The following USP48 variants were observed in gnomAD, a reference collection of about 807,000 sequenced individuals.
USP48 encodes ubiquitin carboxyl-terminal hydrolase 48.
USP48 carries 43 observed loss-of-function variants against 150.7 expected under a neutral mutation model. That is an observed-to-expected ratio of 0.29 (90% CI 0.22 to 0.37). USP48 has a LOEUF of 0.37. Among genes scored for constraint, USP48 ranks in the 10% least tolerant of loss-of-function variants. USP48 has a pLI of 1.00. For synonymous variants in USP48, 396 were observed against 425.9 expected (o/e 0.93, Z 0.86); for missense variants, 813 against 1,249.6 (o/e 0.65, Z 5.27).
At chr1:21,709,444 T>G (rs1273936060) in intron 15 of USP48, among the ~76,000 whole-genome samples, 1 of 152,162 alleles carries the variant, frequency 6.6e-6, no homozygotes, top group Non-Finnish European at 1.5e-5. Flanking sequence ...AAAGGTTAAT[T>G]GGATTATCAA....
At chr1:21,691,420 G>A (rs1206038101) in intron 23 of USP48, among the ~76,000 whole-genome samples, 1 of 151,892 alleles carries the variant, frequency 6.6e-6, no homozygotes, top group Non-Finnish European at 1.5e-5. Context: ...GATCACCTGA[G>A]GTCAGGAGTT....
Position 21,782,953 on chromosome 1 carries a change from G to T in USP48, c.5C>A (p.Ala2Asp). 6.5e-7 allele frequency: 1 copy of T among 1,543,108 alleles called. No homozygotes were observed. Residue 2 changes from alanine to aspartate, a missense_variant, in exon 1 of 27, where the codon GCC becomes GAC. Ala to Asp is a moderately radical substitution (Grantham distance 126). Coordinates refer to ENST00000308271, the MANE Select transcript of USP48 (RefSeq NM_032236.8). Reference protein sequence around the residue: MAPRLQLEKAAW... With the variant: MDPRLQLEKAAW... ...CGCCTTCTCCAGCTGCAGCCGCGGGGCCATGGCCTTGGCCCCAGGAACGCC... is the reference window on the plus strand; with the variant it reads ...CGCCTTCTCCAGCTGCAGCCGCGGGTCCATGGCCTTGGCCCCAGGAACGCC...
At chr1:21,723,289 T>C (rs960867544) in intron 12 of USP48, among the ~76,000 whole-genome samples, 1 of 151,636 alleles carries the variant, frequency 6.6e-6, no homozygotes, top group African/African-American at 2.4e-5. Flanking sequence ...GAGGGCGAGG[T>C]TGAGTGGATC....
chr1:21,776,592 C>CAAAAAAAAAAAA (rs59309344), intron 1 of USP48, among the ~76,000 whole-genome samples: 3 of 57,992 alleles, frequency 5.2e-5, no homozygotes, highest in East Asian at 6.5e-4. Context: ...TGTCTTGTCT[C>CAAAAAAAAAAAA]AAAAAAAAAA....
intron 5 of USP48, among the ~76,000 whole-genome samples, chr1:21,752,073 T>G (rs1250836163): frequency 6.6e-6 from 1 of 151,100 alleles, no homozygotes; most frequent in Non-Finnish European, 1.5e-5. Context: ...AAGCTAAACA[T>G]TCGTTGGGAA....
chr1:21,718,611 T>C (rs1358860553), intron 14 of USP48, among the ~76,000 whole-genome samples: 1 of 151,230 alleles, frequency 6.6e-6, no homozygotes. Flanking sequence ...CAGGCTGGAA[T>C]GCAGTGGTGC....
chr1:21,689,941 T>C (rs375176635), intron 24 of USP48, 33 bp downstream of exon 24: 1 of 1,610,386 alleles, frequency 6.2e-7, no homozygotes, highest in African/African-American at 1.3e-5. Flanking sequence ...ATGTAAAACC[T>C]TGAGTTCTTC....
Position 21,753,602 on chromosome 1 carries a change from G to A in USP48, c.413-483C>T, listed in dbSNP as rs191437881. 4.7e-4 allele frequency among the ~76,000 whole-genome samples: 71 copies of A among 152,000 alleles called. No homozygotes were observed. In the East Asian group the frequency reaches 0.013, roughly 28 times the overall value. ...CGCACTTTGGGAGGCAGAGGCGGGC[G>A]AATAATCTGAGGTCAGGAGTTCAAG... On this transcript the variant is annotated intron_variant, in intron 3 of 26. Transcript: ENST00000308271.
intron 9 of USP48, among the ~76,000 whole-genome samples, chr1:21,733,948 G>A (rs1220691148): frequency 6.6e-6 from 1 of 152,010 alleles, no homozygotes; most frequent in Admixed American, 6.6e-5. Context: ...AAGCCACCTC[G>A]CTCAACCCAG....
chr1:21,708,898 AAAAAG>A (rs2097681829), intron 15 of USP48, among the ~76,000 whole-genome samples: 2 of 57,930 alleles, frequency 3.5e-5, no homozygotes, highest in African/African-American at 7.7e-5. Context: ...AAAAAAAAAA[AAAAAG>A]AAAGAAAAGA....
chr1:21,695,355 G>A (rs776977916), intron 22 of USP48, 134 bp from the exon 23 acceptor site: 13 of 945,200 alleles, frequency 1.4e-5, no homozygotes, highest in East Asian at 2.8e-5. Context: ...TGTAAACAAT[G>A]AGTAGAAACT....
intron 14 of USP48, among the ~76,000 whole-genome samples, chr1:21,718,588 G>C (rs1015713461): frequency 1.3e-5 from 2 of 148,828 alleles, no homozygotes; most frequent in Non-Finnish European, 3.0e-5. Flanking sequence ...AGACGGTGTC[G>C]TGCTCTGTCG....
At chr1:21,770,289 T>C (rs1188740224) in intron 1 of USP48, among the ~76,000 whole-genome samples, 1 of 152,040 alleles carries the variant, frequency 6.6e-6, no homozygotes, top group Non-Finnish European at 1.5e-5. Flanking sequence ...ATACATAAAG[T>C]CCAACATAGG....
intron 1 of USP48, among the ~76,000 whole-genome samples, chr1:21,764,407 C>A (rs1453829245): frequency 6.6e-6 from 1 of 150,794 alleles, no homozygotes; most frequent in East Asian, 1.9e-4. Context: ...CCACTGCACT[C>A]CAGCCTGGGC....
chr1:21,752,326 C>T (rs1290910407), intron 5 of USP48, among the ~76,000 whole-genome samples: 2 of 152,156 alleles, frequency 1.3e-5, no homozygotes, highest in Non-Finnish European at 1.5e-5. Flanking sequence ...ACCCAGACAC[C>T]GTTCCTAACA....
At chr1:21,774,465 G>T (rs1005431059) in intron 1 of USP48, among the ~76,000 whole-genome samples, 6 of 152,076 alleles carry the variant, frequency 3.9e-5, no homozygotes, top group Non-Finnish European at 8.8e-5. Flanking sequence ...AAGGTGGGCA[G>T]ATCGCGAGGT....
chr1:21,694,324 G>A (rs2097614778), intron 23 of USP48, among the ~76,000 whole-genome samples: 3 of 151,910 alleles, frequency 2.0e-5, no homozygotes, highest in Admixed American at 2.0e-4. Context: ...TGTAATCTCA[G>A]CACTTTGGGA....
At chr1:21,755,456 G>C (rs771259069) in intron 3 of USP48, among the ~76,000 whole-genome samples, 5 of 152,194 alleles carry the variant, frequency 3.3e-5, no homozygotes, top group South Asian at 2.1e-4. Flanking sequence ...AACTACTCGG[G>C]GGGGCTCTGG....
chr1:21,780,881 A>C (rs1291929766), intron 1 of USP48, among the ~76,000 whole-genome samples: 1 of 148,714 alleles, frequency 6.7e-6, no homozygotes, highest in African/African-American at 2.5e-5. Flanking sequence ...AGCTGGGATT[A>C]CAGGCGCCCG....
Sources: allele counts gnomAD v4.1 joint callset (sites outside exome capture counted in the v4.1 genomes callset), GRCh38; gene constraint gnomAD v4.1.1; transcripts MANE v1.5; gene names NCBI Gene and HGNC (gene_info 2026-07-23, HGNC 2026-07-21).